TCF20: variants seen among roughly 807,000 people sequenced by gnomAD.
TCF20 encodes the protein SPRE-binding protein.
TCF20 carries 3 observed loss-of-function variants against 148.6 expected under a neutral mutation model. The observed-to-expected ratio is 0.02, with a 90% CI of 0.01 to 0.05. TCF20 has a LOEUF of 0.05. Ranked by LOEUF, TCF20 falls within the 10% of genes least tolerant of loss-of-function variation. The pLI is 1.00. For missense variants in TCF20, 2,350 were observed against 2,429.3 expected (o/e 0.97, Z 0.69); for synonymous variants, 1,049 against 909.5 (o/e 1.15, Z -2.76).
intron 1 of TCF20, among the ~76,000 whole-genome samples, chr22:42,341,931 A>T (rs1417275083): frequency 6.6e-6 from 1 of 152,102 alleles, no homozygotes; most frequent in East Asian, 1.9e-4. Flanking sequence ...GAGGGGATGT[A>T]GCTGGGCCTT....
At chr22:42,300,865 C>T (rs1391300629) in intron 1 of TCF20, among the ~76,000 whole-genome samples, 2 of 152,194 alleles carry the variant, frequency 1.3e-5, no homozygotes, top group Non-Finnish European at 2.9e-5. Flanking sequence ...TTCCCCTCCC[C>T]CGAGCCCCAC....
At chr22:42,260,219 A>G (rs1463626641) in intron 1 of TCF20, among the ~76,000 whole-genome samples, 1 of 152,188 alleles carries the variant, frequency 6.6e-6, no homozygotes, top group East Asian at 1.9e-4. Flanking sequence ...GAGGAGTTCA[A>G]GAAACAAGAG....
Position 42,297,077 on chromosome 22 carries a change from T to A in TCF20, c.-37+46402A>T, listed in dbSNP as rs920922258. Among the ~76,000 whole-genome samples the A allele has an allele frequency of 3.3e-5, 5 of 151,728 alleles. 1 individual carries two copies. The highest frequency in any genetic ancestry group is 3.9e-4 in the East Asian group (2 of 5,158). ...AGAACCACACAGCAAACTGGAGAAG[T>A]CAGTTTAAACTTGGGCCCCAGAACC... is the stretch of plus-strand genomic sequence containing the variant. On this transcript the variant is annotated intron_variant, in intron 1 of 1. Transcript: ENST00000515426. This position sits in a 1 kb window ranked among gnomAD's most constrained non-coding sequence, Gnocchi z 4.3.
At chr22:42,233,481 GAAT>G (rs1489460669) in intron 1 of TCF20, among the ~76,000 whole-genome samples, 1 of 152,222 alleles carries the variant, frequency 6.6e-6, no homozygotes, top group Non-Finnish European at 1.5e-5. Context: ...CCTTCTGCGT[GAAT>G]AATACCAGCT....
rs568044670 is a variant in TCF20, at chr22:42,253,579, A to G, written c.-37+16760T>C. Among the ~76,000 whole-genome samples the G allele has an allele frequency of 3.9e-5, 6 of 152,342 alleles. No individual in the cohort carries two copies. The East Asian group carries it at 1.2e-3, about 29-fold the overall frequency. On this transcript the variant is annotated intron_variant, in intron 1 of 5. Coordinates refer to ENST00000677622, the MANE Select transcript of TCF20 (RefSeq NM_001378418.1). ...GTATGAAAAACCAAAAGCATCAACA[A>G]AAGTTTTATTTATATAAAAAGATTT...
chr22:42,255,103 A>C (rs1030696284), intron 1 of TCF20, among the ~76,000 whole-genome samples: 3 of 152,076 alleles, frequency 2.0e-5, no homozygotes, highest in African/African-American at 7.2e-5. Flanking sequence ...TTCTCGTTTG[A>C]AAAACAGAGG....
intron 2 of TCF20, among the ~76,000 whole-genome samples, chr22:42,208,953 T>C (rs1938581944): frequency 6.6e-6 from 1 of 152,126 alleles, no homozygotes. Flanking sequence ...AAGGAGAAGA[T>C]CCTCAAACTT....
chr22:42,303,731 G>C (rs1331498418), intron 1 of TCF20, among the ~76,000 whole-genome samples: 2 of 152,170 alleles, frequency 1.3e-5, no homozygotes, highest in African/African-American at 4.8e-5. Context: ...GCGGATGGCA[G>C]GGGAGTGCAC....
At chr22:42,243,461 G>A (rs1924641263) in intron 1 of TCF20, among the ~76,000 whole-genome samples, 2 of 151,846 alleles carry the variant, frequency 1.3e-5, no homozygotes, top group African/African-American at 4.8e-5. Flanking sequence ...AAATTAGCAG[G>A]CATGGTGGTG....
intron 1 of TCF20, among the ~76,000 whole-genome samples, chr22:42,251,336 C>T (rs1396520019): frequency 6.6e-6 from 1 of 151,864 alleles, no homozygotes; most frequent in Non-Finnish European, 1.5e-5. Flanking sequence ...TAGGTGCACG[C>T]TAGCTTGCTA....
At chr22:42,289,979 C>G (rs1213259270) in intron 1 of TCF20, among the ~76,000 whole-genome samples, 2 of 152,258 alleles carry the variant, frequency 1.3e-5, no homozygotes, top group African/African-American at 4.8e-5. Context: ...CACCGCTAAT[C>G]GCCGTAATAT....
chr22:42,176,889 C>T (rs557730469), intron 3 of TCF20, among the ~76,000 whole-genome samples: 1 of 152,254 alleles, frequency 6.6e-6, no homozygotes, highest in African/African-American at 2.4e-5. Flanking sequence ...TTAAAGAATA[C>T]AAAATTACAT....
chr22:42,285,552 C>T (rs1569201051), upstream of TCF20, among the ~76,000 whole-genome samples: 1 of 152,188 alleles, frequency 6.6e-6, no homozygotes, highest in Non-Finnish European at 1.5e-5. This position sits in a 1 kb window ranked among gnomAD's most constrained non-coding sequence, Gnocchi z 4.2. Flanking sequence ...TACTCAAAGA[C>T]TGCAACTGGA....
rs375510228 is a variant in TCF20 at position 42,168,636 on chromosome 22, C to T, written c.*17G>A. 1.8e-5 allele frequency: 29 copies of T among 1,592,720 alleles called. No individual in the cohort carries two copies. The highest frequency in any genetic ancestry group is 2.3e-5 in the East Asian group (1 of 44,036). ...GTGCTTGCTGTCCTTTCCATTCCCA[C>T]GAGCACACTGCCCCCCTCACCCCCG... On this transcript the variant is annotated 3_prime_UTR_variant, in exon 5 of 6. Transcript: ENST00000677622.
At chr22:42,273,930 AT>A (rs1926711203), upstream of TCF20, 1 of 152,752 alleles carries the variant, frequency 6.5e-6, no homozygotes, top group Non-Finnish European at 1.5e-5. Context: ...GCGTGGATTG[AT>A]TGAGGAGACT....
chr22:42,311,642 C>A (rs1397151637), intron 1 of TCF20, among the ~76,000 whole-genome samples: 1 of 152,188 alleles, frequency 6.6e-6, no homozygotes, highest in Non-Finnish European at 1.5e-5. Context: ...CTGGCCCTCC[C>A]AGCTGGGAAA....
At chr22:42,304,167 T>C (rs1927391603) in intron 1 of TCF20, among the ~76,000 whole-genome samples, 1 of 152,124 alleles carries the variant, frequency 6.6e-6, no homozygotes, top group Admixed American at 6.5e-5. Flanking sequence ...GAGATCCCCA[T>C]CTGGGCTGTC....
chr22:42,326,998 A>T (rs1927886783), intron 1 of TCF20, among the ~76,000 whole-genome samples: 1 of 152,262 alleles, frequency 6.6e-6, no homozygotes, highest in Non-Finnish European at 1.5e-5. Flanking sequence ...ATCTGGCAGC[A>T]GATCAGGAAG....
chr22:42,306,314 G>A (rs946869109), intron 1 of TCF20, among the ~76,000 whole-genome samples: 7 of 152,270 alleles, frequency 4.6e-5, no homozygotes, highest in African/African-American at 7.2e-5. Flanking sequence ...GAGGGCTGAT[G>A]AGGGCTGCAG....
Sources: allele counts gnomAD v4.1 joint callset (sites outside exome capture counted in the v4.1 genomes callset), GRCh38; gene constraint gnomAD v4.1.1; non-coding constraint Gnocchi (gnomAD v3.1); transcripts MANE v1.5; gene names NCBI Gene and HGNC (gene_info 2026-07-23, HGNC 2026-07-21).